The following ATRNL1 variants were observed in gnomAD, a reference collection of about 807,000 sequenced individuals.
The protein encoded by ATRNL1 is attractin-like protein 1.
A neutral mutation model predicts 182.7 loss-of-function variants in ATRNL1; 95 were observed. The ratio of observed to expected loss-of-function variants is 0.52; its 90% CI spans 0.44 to 0.62. The LOEUF (loss-of-function observed/expected upper bound fraction) is 0.62, where lower values mean the gene tolerates loss of function less well. ATRNL1 is among the 20% of genes least tolerant of loss of function. ATRNL1 has a pLI of 0.00. For missense variants in ATRNL1, 1,471 were observed against 1,679.5 expected, an observed-to-expected ratio of 0.88 and a Z score of 2.17; for synonymous variants, 576 against 568.3, an observed-to-expected ratio of 1.01 and a Z score of -0.19.
chr10:115,921,795 C>T (rs1555118801), intron 28 of ATRNL1, among the ~76,000 whole-genome samples: 2 of 152,154 alleles, frequency 1.3e-5, no homozygotes, highest in African/African-American at 4.8e-5. Context: ...TTGGTGAACC[C>T]ACTCATTTTT....
chr10:115,645,930 G>A (rs1222540762), intron 26 of ATRNL1, among the ~76,000 whole-genome samples: 1 of 151,758 alleles, frequency 6.6e-6, no homozygotes, highest in African/African-American at 2.4e-5. Context: ...AGGCAAAATT[G>A]GTACTTGAAA....
chr10:115,418,020 A>G (rs1554961190), intron 20 of ATRNL1, among the ~76,000 whole-genome samples: 1 of 152,220 alleles, frequency 6.6e-6, no homozygotes, highest in South Asian at 2.1e-4. Flanking sequence ...TTGCATGTCC[A>G]TAAGCATCAA....
intron 26 of ATRNL1, among the ~76,000 whole-genome samples, chr10:115,681,500 A>C (rs1946045082): frequency 6.6e-6 from 1 of 152,158 alleles, no homozygotes; most frequent in Non-Finnish European, 1.5e-5. Flanking sequence ...ACTGGTATTC[A>C]AACCCAAGCA....
chr10:115,592,629 TGG>T (rs1855979812), intron 26 of ATRNL1, among the ~76,000 whole-genome samples: 1 of 152,194 alleles, frequency 6.6e-6, no homozygotes, highest in Non-Finnish European at 1.5e-5. Flanking sequence ...ATATAATATG[TGG>T]TCCTTTATGA....
At chr10:115,282,012 TATATA>T (rs1181011039) in intron 14 of ATRNL1, among the ~76,000 whole-genome samples, 26 of 146,718 alleles carry the variant, frequency 1.8e-4, no homozygotes, top group South Asian at 8.4e-4. Context: ...AAATATTATA[TATATA>T]ATATATTAAC....
At position 115,170,771 on chromosome 10, in the gene ATRNL1, A is replaced by G. The variant is rs151311210; in HGVS notation, c.1093-266A>G. On this transcript the variant is annotated intron_variant, in intron 7 of 28. Transcript: ENST00000355044. The stretch of plus-strand genomic sequence containing the variant: ...CTTACTGTATGACAATTAAAAGTAT[A>G]CTTAATTGACTACATAATGTGATAG... 5.5e-3 allele frequency among the ~76,000 whole-genome samples: 832 copies of G among 152,158 alleles called. 3 individuals carry two copies. Among genetic ancestry groups the G allele is most frequent in the African/African-American group, 0.014 (570 of 41,556 alleles).
intron 24 of ATRNL1, among the ~76,000 whole-genome samples, chr10:115,486,909 T>G (rs1849054146): frequency 6.6e-6 from 1 of 152,206 alleles, no homozygotes; most frequent in African/African-American, 2.4e-5. Flanking sequence ...TTAGTTAATT[T>G]TTGTATAAGG....
intron 24 of ATRNL1, among the ~76,000 whole-genome samples, chr10:115,493,103 G>A (rs1554977132): frequency 6.6e-6 from 1 of 151,722 alleles, no homozygotes; most frequent in Non-Finnish European, 1.5e-5. Flanking sequence ...TTGTGAAATT[G>A]TTATTTATTT....
intron 6 of ATRNL1, among the ~76,000 whole-genome samples, chr10:115,161,585 G>T (rs1846786832): frequency 1.3e-5 from 2 of 151,990 alleles, no homozygotes; most frequent in Non-Finnish European, 2.9e-5. Flanking sequence ...TTAAGTTCAT[G>T]TTCTTTGCAA....
chr10:115,809,132 C>G (rs575793158), intron 27 of ATRNL1, among the ~76,000 whole-genome samples: 1 of 152,018 alleles, frequency 6.6e-6, no homozygotes, highest in Non-Finnish European at 1.5e-5. Flanking sequence ...TGTTGCAAAT[C>G]AATCAACTAT....
At chr10:115,251,074 A>G (rs1213562775) in intron 10 of ATRNL1, among the ~76,000 whole-genome samples, 1 of 152,106 alleles carries the variant, frequency 6.6e-6, no homozygotes, top group Non-Finnish European at 1.5e-5. Flanking sequence ...GGCCATGTTA[A>G]TCTTCTCTAA....
intron 21 of ATRNL1, among the ~76,000 whole-genome samples, chr10:115,439,322 A>T (rs912915689): frequency 6.6e-6 from 1 of 151,852 alleles, no homozygotes. Flanking sequence ...ATATCAATCT[A>T]ATTATTTAAT....
At chr10:115,812,119 C>A (rs1234937492) in intron 27 of ATRNL1, among the ~76,000 whole-genome samples, 1 of 151,946 alleles carries the variant, frequency 6.6e-6, no homozygotes, top group South Asian at 2.1e-4. Flanking sequence ...TTTGTGTTTG[C>A]ATGAAATTTC....
intron 25 of ATRNL1, among the ~76,000 whole-genome samples, chr10:115,529,512 T>G (rs1304565166): frequency 1.5e-5 from 2 of 130,530 alleles, no homozygotes; most frequent in African/African-American, 2.5e-5. Context: ...AGCTTCTTAT[T>G]AATTGAATGA....
intron 10 of ATRNL1, among the ~76,000 whole-genome samples, chr10:115,261,647 A>G (rs770481509): frequency 6.6e-6 from 1 of 152,178 alleles, no homozygotes; most frequent in South Asian, 2.1e-4. Flanking sequence ...ATTTGTGGAG[A>G]AAGTAAGTTA....
At chr10:115,373,961 C>T (rs1242099958) in intron 19 of ATRNL1, among the ~76,000 whole-genome samples, 2 of 151,814 alleles carry the variant, frequency 1.3e-5, no homozygotes, top group Non-Finnish European at 2.9e-5. Flanking sequence ...CTTCTTTAAA[C>T]ATTTGGCAGA....
chr10:115,096,671 C>T (rs181751247), intron 1 of ATRNL1: 1 of 1,288,878 alleles, frequency 7.8e-7, no homozygotes, highest in East Asian at 5.6e-5. Context: ...TAAAAATGTT[C>T]TTCAAATGTT....
chr10:115,126,100 C>T (rs973193360), intron 3 of ATRNL1, among the ~76,000 whole-genome samples: 15 of 152,198 alleles, frequency 9.9e-5, no homozygotes, highest in South Asian at 2.1e-4. Context: ...GCTCTGTCAC[C>T]AGGCTGGAGT....
chr10:115,835,077 T>C (rs533946847), intron 27 of ATRNL1, among the ~76,000 whole-genome samples: 2 of 152,264 alleles, frequency 1.3e-5, no homozygotes, highest in Admixed American at 6.5e-5. Context: ...ATTATTATTA[T>C]TAGAGAAAAG....
Sources: gnomAD v4.1 joint callset for allele counts (sites outside exome capture counted in the v4.1 genomes callset) on GRCh38, gnomAD v4.1.1 for gene constraint, MANE v1.5 for transcripts, NCBI Gene and HGNC (gene_info 2026-07-23, HGNC 2026-07-21) for gene names.